MUC13: variants seen among roughly 807,000 people sequenced by gnomAD.
MUC13 encodes mucin 13, cell surface associated, also known as mucin-13.
A neutral mutation model predicts 48.3 loss-of-function variants in MUC13; 32 were observed. The observed-to-expected ratio is 0.66, with a 90% CI of 0.50 to 0.89. The LOEUF is 0.89. Ranked by LOEUF, MUC13 falls within the 40% of genes least tolerant of loss-of-function variation. The probability of loss-of-function intolerance (pLI) is 0.00; values close to 1 mark genes in which losing one functional copy is unlikely to be tolerated. For missense variants in MUC13, 571 were observed against 622.8 expected, an observed-to-expected ratio of 0.92 and a Z score of 0.88; for synonymous variants, 199 against 224.9, an observed-to-expected ratio of 0.88 and a Z score of 1.03.
At chr3:124,920,104 T>C in intron 5 of MUC13, 130 bp downstream of exon 5, 1 of 808,724 alleles carries the variant, frequency 1.2e-6, no homozygotes, top group Non-Finnish European at 2.1e-6. Flanking sequence ...GTGCTCAGAC[T>C]GAGACTGACC....
intron 5 of MUC13, 137 bp from the exon 6 acceptor site, chr3:124,916,617 G>C: frequency 4.7e-6 from 4 of 854,830 alleles, no homozygotes; most frequent in Non-Finnish European, 7.3e-6. Flanking sequence ...CCCACATATG[G>C]AGGCCGGGGG....
chr3:124,927,747 A>G lies in MUC13; in HGVS notation c.299T>C (p.Ile100Thr), dbSNP rs4679392. ...TGACTCACTGTCTGCAGCAGTAGGT[A>G]TAGGAATTGTGGAGGAACTATGTGT... ...ISTHSSSTIP[I>T]PTAADSESTT... The change falls in exon 2 of 12, where the codon ATA becomes ACA. Residue 100 changes from isoleucine to threonine, a missense_variant. Transcript: ENST00000616727. 0.43 allele frequency: 687,847 copies of G among 1,612,616 alleles called. 148,363 individuals are homozygous for G. The highest frequency in any genetic ancestry group is 0.47 in the South Asian group (43,010 of 91,058).
intron 1 of MUC13, among the ~76,000 whole-genome samples, chr3:124,932,223 T>C (rs1935810602): frequency 6.6e-6 from 1 of 152,180 alleles, no homozygotes; most frequent in Admixed American, 6.5e-5. Context: ...TCTGCATTAC[T>C]TGTATAACTT....
intron 5 of MUC13, 124 bp from the exon 6 acceptor site, chr3:124,916,604 G>A (rs1436672959): frequency 1.8e-5 from 18 of 1,010,804 alleles, no homozygotes; most frequent in South Asian, 1.5e-4. Flanking sequence ...CCTATGATTC[G>A]GACCCACATA....
At chr3:124,925,153 A>T (rs373185457) in intron 2 of MUC13, among the ~76,000 whole-genome samples, 1 of 152,350 alleles carries the variant, frequency 6.6e-6, no homozygotes, top group Admixed American at 6.5e-5. Context: ...GCACTAAAAA[A>T]TGAGCTATCA....
intron 5 of MUC13, among the ~76,000 whole-genome samples, chr3:124,917,253 CTT>C (rs1935525215): frequency 6.6e-6 from 1 of 152,100 alleles, no homozygotes; most frequent in Non-Finnish European, 1.5e-5. Context: ...GGAAAAATGA[CTT>C]TTAAAAACAT....
intron 10 of MUC13, among the ~76,000 whole-genome samples, chr3:124,909,126 C>T (rs1209469295): frequency 6.6e-6 from 1 of 151,830 alleles, no homozygotes; most frequent in Non-Finnish European, 1.5e-5. Flanking sequence ...TGCACTCCAG[C>T]CTGGGCGACA....
intron 1 of MUC13, among the ~76,000 whole-genome samples, chr3:124,934,442 G>A (rs1391052769): frequency 1.3e-5 from 2 of 152,176 alleles, no homozygotes; most frequent in Non-Finnish European, 2.9e-5. Context: ...TTACAGGCGT[G>A]AGCCACCGCG....
intron 2 of MUC13, among the ~76,000 whole-genome samples, chr3:124,924,941 A>G (rs75913367): frequency 0.03 from 4,600 of 152,338 alleles, 257 homozygotes; most frequent in African/African-American, 0.1. Context: ...AAAAATAAAC[A>G]TACTCTTACG....
At chr3:124,923,893 G>A (rs1289080615) in intron 2 of MUC13, among the ~76,000 whole-genome samples, 1 of 152,166 alleles carries the variant, frequency 6.6e-6, no homozygotes, top group African/African-American at 2.4e-5. Context: ...AGAGATTAGT[G>A]TACAAGGGCT....
intron 1 of MUC13, among the ~76,000 whole-genome samples, chr3:124,932,144 GGGAAGTCAGATT>G: frequency 6.6e-6 from 1 of 152,308 alleles, no homozygotes; most frequent in South Asian, 2.1e-4. Context: ...GTAGATGGGT[GGGAAGTCAGATT>G]GGATGCTCAA....
intron 1 of MUC13, among the ~76,000 whole-genome samples, chr3:124,931,311 G>A (rs1020129919): frequency 6.6e-6 from 1 of 151,468 alleles, no homozygotes; most frequent in Non-Finnish European, 1.5e-5. Flanking sequence ...CACGCCTGTA[G>A]TCCCAACTAC....
At position 124,913,595 on chromosome 3, in the gene MUC13, G is replaced by C; in HGVS notation, c.1051C>G (p.Gln351Glu). 1 of 1,614,206 alleles carries C rather than the reference G, an allele frequency of 6.2e-7. No homozygotes were observed. Among genetic ancestry groups the C allele is most frequent in the Non-Finnish European group, 8.5e-7 (1 of 1,180,026 alleles). ...GLACDCKSDL[Q>E]RPNPQSPFCV... Reference sequence around the variant, plus strand: ...AAAGGGCTCTGTGGGTTAGGCCTTTGCAGGTCAGATTTGCAATCGCATGCT... The same window carrying C: ...AAAGGGCTCTGTGGGTTAGGCCTTTCCAGGTCAGATTTGCAATCGCATGCT... The change falls in exon 7 of 12, where the codon CAA becomes GAA. Residue 351 changes from glutamine to glutamate, a missense_variant. Transcript: ENST00000616727.
rs35318002 is a variant in MUC13 at position 124,921,154 on chromosome 3, C to CTT, written c.745-867_745-866dup. 1.9e-4 allele frequency among the ~76,000 whole-genome samples: 28 copies of CTT among 149,960 alleles called. No homozygotes were observed. In the East Asian group the frequency reaches 2.1e-3, roughly 11 times the overall value. ...AAAAATGTCTCTCCATCTCTACTTC[C>CTT]TTTTTTTTTTCTCCAGGCAGAGTCT... is the stretch of plus-strand genomic sequence containing the variant. On this transcript the variant is annotated intron_variant, in intron 4 of 11. Transcript: ENST00000616727.
In MUC13 at chr3:124,931,292, A is replaced by G. The variant is rs552960904; in HGVS notation, c.53-3299T>C. Among the ~76,000 whole-genome samples, 4 of 152,040 alleles carry G rather than the reference A, an allele frequency of 2.6e-5. No homozygotes were observed. The South Asian group carries it at 8.3e-4, about 32-fold the overall frequency. On this transcript the variant is annotated intron_variant, in intron 1 of 11. Transcript: ENST00000616727. ...CTAAAAATACAAAAATTATCTGGGC[A>G]TGGTGGCACACGCCTGTAGTCCCAA...
At chr3:124,923,701 C>T (rs772583376) in intron 2 of MUC13, 52 bp from the exon 3 acceptor site, 6 of 1,584,144 alleles carry the variant, frequency 3.8e-6, no homozygotes, top group Middle Eastern at 1.7e-4. Flanking sequence ...CAATAAATAA[C>T]AACTGGAAAC....
At chr3:124,934,614 G>C (rs777428876) in intron 1 of MUC13, 47 bp downstream of exon 1, 52 of 1,366,244 alleles carry the variant, frequency 3.8e-5, no homozygotes, top group Non-Finnish European at 4.5e-5. Flanking sequence ...CTACCTCAAA[G>C]ACAACATACA....
intron 1 of MUC13, 126 bp from the exon 2 acceptor site, chr3:124,928,119 T>G: frequency 1.3e-6 from 1 of 751,898 alleles, no homozygotes; most frequent in Non-Finnish European, 2.0e-6. Flanking sequence ...TTTCCCCAAG[T>G]TGCCTAGATT....
At chr3:124,913,728 G>A (rs1328278563) in intron 6 of MUC13, 47 bp from the exon 7 acceptor site, 10 of 1,609,434 alleles carry the variant, frequency 6.2e-6, no homozygotes. Context: ...TGACAATATG[G>A]ATAAGGTAAT....
Sources: gnomAD v4.1 joint callset for allele counts (sites outside exome capture counted in the v4.1 genomes callset) on GRCh38, gnomAD v4.1.1 for gene constraint, MANE v1.5 for transcripts, NCBI Gene and HGNC (gene_info 2026-07-23, HGNC 2026-07-21) for gene names.